CFAP61: variants seen among roughly 807,000 people sequenced by gnomAD.
CFAP61 encodes cilia- and flagella-associated protein 61.
CFAP61 carries 107 observed loss-of-function variants against 135.6 expected under a neutral mutation model. The ratio of observed to expected loss-of-function variants is 0.79; its 90% CI spans 0.67 to 0.93. The LOEUF is 0.93. Ranked by LOEUF, CFAP61 falls within the 40% of genes least tolerant of loss-of-function variation. The probability of loss-of-function intolerance (pLI) is 0.00; values close to 1 mark genes in which losing one functional copy is unlikely to be tolerated. For synonymous variants in CFAP61, 575 were observed against 578.5 expected (o/e 0.99, Z 0.09); for missense variants, 1,507 against 1,556.2 (o/e 0.97, Z 0.53).
chr20:20,240,379 G>A (rs1397584437), intron 18 of CFAP61, among the ~76,000 whole-genome samples: 1 of 152,116 alleles, frequency 6.6e-6, no homozygotes, highest in Non-Finnish European at 1.5e-5. Flanking sequence ...AGGAGGTTCT[G>A]TGGCAACAGC....
At chr20:20,126,670 A>G (rs185949940) in intron 8 of CFAP61, among the ~76,000 whole-genome samples, 6 of 151,962 alleles carry the variant, frequency 3.9e-5, no homozygotes, top group East Asian at 3.9e-4. Context: ...TCTTAACTCT[A>G]GATAACCTGA....
Position 20,270,208 on chromosome 20 carries a change from A to G in CFAP61, c.2504-6958A>G, listed in dbSNP as rs183603497. On this transcript the variant is annotated intron_variant, in intron 21 of 26. Coordinates refer to ENST00000245957, the MANE Select transcript of CFAP61 (RefSeq NM_015585.4). ...GTTAATATTGTGTGCATAAATCCTG[A>G]ATTTATTTCTTATACTCTTGAGATC... Among the ~76,000 whole-genome samples, 554 of 152,264 alleles carry G rather than the reference A, an allele frequency of 3.6e-3. 2 individuals are homozygous for G. Among genetic ancestry groups the G allele is most frequent in the Admixed American group, 5.4e-3 (82 of 15,288 alleles).
intron 8 of CFAP61, among the ~76,000 whole-genome samples, chr20:20,126,610 A>G (rs1454585869): frequency 2.6e-5 from 4 of 151,846 alleles, no homozygotes; most frequent in Non-Finnish European, 5.9e-5. Flanking sequence ...GTTTTCCTTT[A>G]TAGGCTATCT....
At chr20:20,170,279 T>C (rs545924042) in intron 13 of CFAP61, among the ~76,000 whole-genome samples, 3 of 152,364 alleles carry the variant, frequency 2.0e-5, no homozygotes, top group Admixed American at 6.5e-5. Flanking sequence ...AGGTGTCTTA[T>C]ACTATACCAA....
At chr20:20,070,718 T>G in intron 2 of CFAP61, 136 bp from the exon 3 acceptor site, 1 of 712,830 alleles carries the variant, frequency 1.4e-6, no homozygotes, top group Non-Finnish European at 2.3e-6. Flanking sequence ...TGCAATATCA[T>G]TCTCACCTTT....
At chr20:20,151,986 T>A (rs2052473466) in intron 9 of CFAP61, among the ~76,000 whole-genome samples, 1 of 152,018 alleles carries the variant, frequency 6.6e-6, no homozygotes, top group East Asian at 1.9e-4. Context: ...AGGCGACCTA[T>A]AAAGGAAAAC....
chr20:20,162,584 C>T (rs779146640), intron 10 of CFAP61, among the ~76,000 whole-genome samples: 4 of 151,972 alleles, frequency 2.6e-5, no homozygotes, highest in Non-Finnish European at 5.9e-5. Flanking sequence ...GATATGAGGG[C>T]CTAAATGATG....
chr20:20,240,564 A>G (rs934399455), intron 18 of CFAP61, among the ~76,000 whole-genome samples: 1 of 149,570 alleles, frequency 6.7e-6, no homozygotes, highest in African/African-American at 2.4e-5. Flanking sequence ...GACCTTGTGG[A>G]GTCCGCCATC....
At chr20:20,161,977 T>C (rs1381112159) in intron 10 of CFAP61, among the ~76,000 whole-genome samples, 1 of 152,202 alleles carries the variant, frequency 6.6e-6, no homozygotes. Flanking sequence ...TTTATTATTG[T>C]GCAGTTCTGG....
Position 20,075,223 on chromosome 20 carries a change from A to C in CFAP61, c.406A>C (p.Ile136Leu). The C allele has an allele frequency of 6.2e-7, 1 of 1,614,066 alleles. No homozygotes were observed. The highest frequency in any genetic ancestry group is 1.1e-5 in the South Asian group (1 of 91,082). Residue 136 changes from isoleucine to leucine, a missense_variant, in exon 5 of 27, where the codon ATA (isoleucine) becomes CTA (leucine). Coordinates refer to ENST00000245957, the MANE Select transcript of CFAP61 (RefSeq NM_015585.4). ...TAAGGCAGTGCCAGAGCTGCACTTC[A>C]TATTTCTCATCGTGCCATCCTACAT... ...VYKAVPELHF[I>L]FLIVPSYMSL...
chr20:20,129,603 T>C (rs113641219), intron 8 of CFAP61, among the ~76,000 whole-genome samples: 2,100 of 150,522 alleles, frequency 0.014, 23 homozygotes, highest in Non-Finnish European at 0.022. Flanking sequence ...TATCTCTTTC[T>C]CAAATTTTGG....
chr20:20,121,946 T>A (rs1050564703), intron 8 of CFAP61, among the ~76,000 whole-genome samples: 1 of 151,964 alleles, frequency 6.6e-6, no homozygotes, highest in Non-Finnish European at 1.5e-5. Context: ...TTTTTTTTTT[T>A]AACTTTTTAA....
intron 24 of CFAP61, among the ~76,000 whole-genome samples, chr20:20,297,437 A>G (rs761375077): frequency 2.0e-5 from 3 of 152,164 alleles, no homozygotes; most frequent in African/African-American, 2.4e-5. Flanking sequence ...ATGTTTGTCT[A>G]CAGAAGCTTC....
chr20:20,138,144 T>C (rs1173758576), intron 8 of CFAP61, among the ~76,000 whole-genome samples: 1 of 152,186 alleles, frequency 6.6e-6, no homozygotes, highest in African/African-American at 2.4e-5. Context: ...CAAAGTCCTC[T>C]TCACTCCCCT....
chr20:20,106,000 C>CTATATATATATATATATA (rs10523115), intron 8 of CFAP61, among the ~76,000 whole-genome samples: 3 of 102,644 alleles, frequency 2.9e-5, no homozygotes, highest in Admixed American at 1.0e-4. Flanking sequence ...CTACTCTTGC[C>CTATATATATATATATATA]TATATATATA....
At position 20,166,406 on chromosome 20, in the gene CFAP61, T is replaced by G; in HGVS notation, c.1215T>G (p.Asp405Glu). 1 of 1,613,810 alleles carries G rather than the reference T, an allele frequency of 6.2e-7. No homozygotes were observed. Among genetic ancestry groups the G allele is most frequent in the Non-Finnish European group, 8.5e-7 (1 of 1,179,762 alleles). The change falls in exon 12 of 27, where the codon GAT becomes GAG. Residue 405 changes from aspartate to glutamate, a missense_variant. Asp to Glu is a conservative substitution (Grantham distance 45, BLOSUM62 2). Coordinates refer to ENST00000245957, the MANE Select transcript of CFAP61 (RefSeq NM_015585.4). ...ACTGTCTTGTTTACAGGTCGCTGGA[T>G]TTTATGAATTTTGTTTTCAGTCTTT... The part of the protein sequence containing the change: ...IDEKYEARSL[D>E]FMNFVFSLFS...
At chr20:20,216,408 G>C (rs1601449923) in intron 17 of CFAP61, among the ~76,000 whole-genome samples, 1 of 152,216 alleles carries the variant, frequency 6.6e-6, no homozygotes, top group Non-Finnish European at 1.5e-5. Context: ...TTTGAAAATA[G>C]TTTGTGTTTG....
rs1387211977 is a variant in CFAP61, at chr20:20,269,241, ACGTATATGTG to A, written c.2503+6113_2503+6122del. On this transcript the variant is annotated intron_variant, in intron 21 of 26. Coordinates refer to ENST00000245957, the MANE Select transcript of CFAP61 (RefSeq NM_015585.4). The stretch of plus-strand genomic sequence containing the variant: ...TATATACATATATGTATATATATAC[ACGTATATGTG>A]CATATATACATATATATTTCATTAA... Among the ~76,000 whole-genome samples the A allele has an allele frequency of 8.2e-5, 10 of 121,498 alleles. No homozygotes were observed. The Middle Eastern group carries it at 0.013, about 160-fold the overall frequency. 79.7% of individuals were successfully genotyped at this position (121,498 alleles called of 152,430 possible).
At chr20:20,116,144 A>G (rs1336321683) in intron 8 of CFAP61, among the ~76,000 whole-genome samples, 1 of 152,156 alleles carries the variant, frequency 6.6e-6, no homozygotes, top group Non-Finnish European at 1.5e-5. Context: ...AACTGGGATG[A>G]GATGTTATCT....
Sources: allele counts gnomAD v4.1 joint callset (sites outside exome capture counted in the v4.1 genomes callset), GRCh38; gene constraint gnomAD v4.1.1; transcripts MANE v1.5; gene names NCBI Gene and HGNC (gene_info 2026-07-23, HGNC 2026-07-21).